The following OSBPL10 variants were observed in gnomAD, a reference collection of about 807,000 sequenced individuals.
OSBPL10 encodes oxysterol binding protein like 10, also known as oxysterol-binding protein-related protein 10.
OSBPL10 carries 49 observed loss-of-function variants against 81.7 expected under a neutral mutation model. The observed-to-expected ratio is 0.60, with a 90% CI of 0.48 to 0.76. The LOEUF (loss-of-function observed/expected upper bound fraction) is 0.76. Ranked by LOEUF, OSBPL10 falls within the 30% of genes least tolerant of loss-of-function variation. The pLI is 0.00. For synonymous variants in OSBPL10, 419 were observed against 383.6 expected, an observed-to-expected ratio of 1.09 and a Z score of -1.08; for missense variants, 923 against 987.8, an observed-to-expected ratio of 0.93 and a Z score of 0.88.
chr3:31,731,437 T>C (rs1370452932), intron 6 of OSBPL10, among the ~76,000 whole-genome samples: 2 of 152,164 alleles, frequency 1.3e-5, no homozygotes, highest in East Asian at 3.8e-4. Context: ...TAGTTCTTCT[T>C]CTTCAGGATG....
chr3:31,713,178 G>A (rs1378672880), intron 6 of OSBPL10, among the ~76,000 whole-genome samples: 1 of 151,992 alleles, frequency 6.6e-6, no homozygotes, highest in East Asian at 2.0e-4. Flanking sequence ...CCTGACTGTG[G>A]CCCGTGAGGC....
intron 4 of OSBPL10, chr3:31,794,545 C>A: frequency 2.9e-6 from 1 of 346,964 alleles, no homozygotes; most frequent in Non-Finnish European, 5.8e-6. Flanking sequence ...GAACTTTTCC[C>A]AGAAGAAATG....
chr3:31,980,599 G>A (rs1484346404), intron 1 of OSBPL10, among the ~76,000 whole-genome samples: 1 of 152,196 alleles, frequency 6.6e-6, no homozygotes, highest in East Asian at 1.9e-4. Flanking sequence ...GGACCAGCAC[G>A]ATCCTCCTGC....
intron 1 of OSBPL10, among the ~76,000 whole-genome samples, chr3:31,934,168 G>A (rs1471303250): frequency 1.3e-5 from 2 of 150,398 alleles, no homozygotes; most frequent in Non-Finnish European, 1.5e-5. Flanking sequence ...TGGTCTGTTT[G>A]TTGTTTTTAC....
intron 3 of OSBPL10, among the ~76,000 whole-genome samples, chr3:31,868,981 C>T (rs1401763960): frequency 2.0e-5 from 3 of 152,258 alleles, no homozygotes; most frequent in Admixed American, 1.3e-4. Flanking sequence ...CACATAGCCA[C>T]GAATGGATTA....
chr3:31,748,069 ACTCAAT>A lies in OSBPL10; in HGVS notation c.775_780del (p.Ile259_Glu260del). On this transcript the variant is annotated inframe_deletion, in exon 5 of 12. Transcript: ENST00000396556. ...GTGAGGGGGCCGGACCCTGGCAGGG[ACTCAAT>A]GGCGTGCACAAGGTTCTTCTGCTGC... The A allele has an allele frequency of 1.2e-6, 2 of 1,614,072 alleles. No homozygotes were observed. The highest frequency in any genetic ancestry group is 8.5e-7 in the Non-Finnish European group (1 of 1,180,002).
intron 3 of OSBPL10, among the ~76,000 whole-genome samples, chr3:31,843,986 G>A (rs550291093): frequency 6.6e-6 from 1 of 152,292 alleles, no homozygotes; most frequent in South Asian, 2.1e-4. Context: ...GCTAGGGTCT[G>A]GGGATACATA....
At chr3:31,753,674 T>C (rs568667373) in intron 4 of OSBPL10, among the ~76,000 whole-genome samples, 3 of 152,338 alleles carry the variant, frequency 2.0e-5, no homozygotes, top group South Asian at 4.1e-4. Flanking sequence ...AACGCTTTAA[T>C]AAAAACCATC....
At chr3:31,908,760 G>C (rs1575610091) in intron 1 of OSBPL10, among the ~76,000 whole-genome samples, 1 of 152,180 alleles carries the variant, frequency 6.6e-6, no homozygotes, top group South Asian at 2.1e-4. Flanking sequence ...CATAGGCCAG[G>C]ATATTTTTTA....
At chr3:31,825,878 G>C (rs906344677) in intron 4 of OSBPL10, among the ~76,000 whole-genome samples, 2 of 152,044 alleles carry the variant, frequency 1.3e-5, no homozygotes, top group African/African-American at 4.8e-5. Context: ...GATGACTATA[G>C]GGTCCAATGT....
chr3:31,884,403 C>T (rs958214312), intron 1 of OSBPL10, among the ~76,000 whole-genome samples: 4 of 152,202 alleles, frequency 2.6e-5, no homozygotes, highest in African/African-American at 9.7e-5. Flanking sequence ...GGGACACTAT[C>T]TGATTAAAAA....
chr3:31,891,073 T>C (rs1011008797), intron 1 of OSBPL10, among the ~76,000 whole-genome samples: 2 of 152,080 alleles, frequency 1.3e-5, no homozygotes, highest in African/African-American at 4.8e-5. Flanking sequence ...GCCCCATGGC[T>C]CAGCTTTTTC....
At chr3:31,752,361 C>T (rs1415679332) in intron 4 of OSBPL10, among the ~76,000 whole-genome samples, 1 of 152,146 alleles carries the variant, frequency 6.6e-6, no homozygotes, top group African/African-American at 2.4e-5. Context: ...ACGATCAAGG[C>T]ATCATGATGT....
At chr3:31,894,550 G>A (rs1372156246) in intron 1 of OSBPL10, among the ~76,000 whole-genome samples, 2 of 152,270 alleles carry the variant, frequency 1.3e-5, no homozygotes, top group East Asian at 1.9e-4. Context: ...AAGCAAATCC[G>A]TTTTTGTTTT....
At chr3:31,870,351 C>T (rs1380497689) in intron 3 of OSBPL10, among the ~76,000 whole-genome samples, 4 of 152,364 alleles carry the variant, frequency 2.6e-5, no homozygotes, top group Non-Finnish European at 4.4e-5. Context: ...TTAGCTTTCC[C>T]GCGGGGCAGG....
chr3:31,689,282 C>T (rs920439164), intron 7 of OSBPL10, among the ~76,000 whole-genome samples: 1 of 152,138 alleles, frequency 6.6e-6, no homozygotes, highest in Non-Finnish European at 1.5e-5. Flanking sequence ...CCAAATGCAA[C>T]ATAATCTGGG....
chr3:31,755,658 G>C (rs994591446), intron 4 of OSBPL10, among the ~76,000 whole-genome samples: 5 of 152,190 alleles, frequency 3.3e-5, no homozygotes, highest in Non-Finnish European at 5.9e-5. Context: ...TTTATCATGT[G>C]AGATGAGAGG....
chr3:31,931,138 T>C (rs1697237278), intron 1 of OSBPL10, among the ~76,000 whole-genome samples: 1 of 151,994 alleles, frequency 6.6e-6, no homozygotes, highest in East Asian at 1.9e-4. Flanking sequence ...TGATTATCTT[T>C]GGAGAGGGAG....
intron 2 of OSBPL10, among the ~76,000 whole-genome samples, chr3:32,007,929 T>C (rs1202069479): frequency 6.6e-6 from 1 of 151,976 alleles, no homozygotes; most frequent in Non-Finnish European, 1.5e-5. Flanking sequence ...GATCTCAAAC[T>C]CCTGACCTCA....
Sources: gnomAD v4.1 joint callset for allele counts (sites outside exome capture counted in the v4.1 genomes callset) on GRCh38, gnomAD v4.1.1 for gene constraint, MANE v1.5 for transcripts, NCBI Gene and HGNC (gene_info 2026-07-23, HGNC 2026-07-21) for gene names.